Variants in FRMPD1 observed in about 807,000 individuals in gnomAD.
FRMPD1 encodes FERM and PDZ domain-containing protein 1.
FRMPD1 carries 76 observed loss-of-function variants against 117.8 expected under a neutral mutation model. The observed-to-expected ratio is 0.65, with a 90% confidence interval of 0.54 to 0.78. FRMPD1 has a LOEUF of 0.78. FRMPD1 is among the 30% of genes least tolerant of loss of function. The probability of loss-of-function intolerance (pLI) is 0.00; values close to 1 mark genes in which losing one functional copy is unlikely to be tolerated. For synonymous variants in FRMPD1, 783 were observed against 770.4 expected (o/e 1.02, Z -0.27); for missense variants, 1,786 against 1,964.5 (o/e 0.91, Z 1.72).
At chr9:37,688,514 A>G (rs1822025692) in intron 1 of FRMPD1, among the ~76,000 whole-genome samples, 1 of 152,106 alleles carries the variant, frequency 6.6e-6, no homozygotes. Flanking sequence ...AAAAGTGAAC[A>G]TATGTTTATG....
chr9:37,721,986 A>T (rs934189983), intron 6 of FRMPD1, among the ~76,000 whole-genome samples: 2 of 152,236 alleles, frequency 1.3e-5, no homozygotes, highest in Non-Finnish European at 2.9e-5. Context: ...GTAGTTATGT[A>T]ATGTTGCTAT....
the FRMPD1 span, among the ~76,000 whole-genome samples, chr9:37,618,239 C>T: frequency 6.6e-6 from 1 of 152,190 alleles, no homozygotes; most frequent in Non-Finnish European, 1.5e-5. Context: ...ATCTGCAAGA[C>T]ATAAATTCAT....
intron 1 of FRMPD1, chr9:37,670,145 T>A (rs1448949906): frequency 6.6e-6 from 1 of 152,234 alleles, no homozygotes; most frequent in African/African-American, 2.4e-5. Flanking sequence ...TTAGACTGTG[T>A]CTAACTGTAT....
At chr9:37,608,977 C>G in the FRMPD1 span, among the ~76,000 whole-genome samples, 1 of 152,190 alleles carries the variant, frequency 6.6e-6, no homozygotes, top group Non-Finnish European at 1.5e-5. Context: ...GTCCACTCAA[C>G]ATCTCTGTTT....
chr9:37,659,915 TAAA>T (rs36016239), intron 1 of FRMPD1, among the ~76,000 whole-genome samples: 3,924 of 103,614 alleles, frequency 0.038, 221 homozygotes, highest in African/African-American at 0.13. Context: ...TTTCAAGCAC[TAAA>T]AAAAAAAAAA....
At chr9:37,678,250 A>AC in intron 1 of FRMPD1, among the ~76,000 whole-genome samples, 1 of 70,164 alleles carries the variant, frequency 1.4e-5, no homozygotes, top group Non-Finnish European at 2.8e-5. Flanking sequence ...AGTACTTACC[A>AC]CTTTTTTTTT....
At chr9:37,612,163 G>A in the FRMPD1 span, among the ~76,000 whole-genome samples, 3,239 of 152,184 alleles carry the variant, frequency 0.021, 114 homozygotes, top group African/African-American at 0.073. Context: ...TATTAATTGT[G>A]AAGTAAACAT....
chr9:37,643,006 C>T, the FRMPD1 span, among the ~76,000 whole-genome samples: 2 of 152,116 alleles, frequency 1.3e-5, no homozygotes, highest in African/African-American at 4.8e-5. Context: ...GTGTATCTCT[C>T]TGTATAGTTT....
chr9:37,605,280 G>C, the FRMPD1 span, among the ~76,000 whole-genome samples: 67 of 152,310 alleles, frequency 4.4e-4, no homozygotes, highest in Non-Finnish European at 7.4e-4. Flanking sequence ...GTTTGGCTCA[G>C]CACAATCCTT....
At chr9:37,729,959 C>A in intron 8 of FRMPD1, 106 bp downstream of exon 8, 2 of 1,198,376 alleles carry the variant, frequency 1.7e-6, no homozygotes, top group Non-Finnish European at 2.3e-6. Flanking sequence ...AGGTTTGATG[C>A]ACTTTCTCTT....
the FRMPD1 span, among the ~76,000 whole-genome samples, chr9:37,627,397 C>T: frequency 6.6e-6 from 1 of 152,252 alleles, no homozygotes; most frequent in Non-Finnish European, 1.5e-5. Context: ...TCCTGCATCA[C>T]TGTGCAAGTG....
Position 37,740,167 on chromosome 9 carries a change from C to G in FRMPD1, c.1639C>G (p.Leu547Val), listed in dbSNP as rs1280857086. The G allele has an allele frequency of 1.9e-6, 3 of 1,613,970 alleles. No homozygotes were observed. Among genetic ancestry groups the G allele is most frequent in the Non-Finnish European group, 2.5e-6 (3 of 1,179,882 alleles). The change falls in exon 15 of 16, where the codon CTG (leucine) becomes GTG (valine). Residue 547 changes from leucine to valine, a missense_variant. Transcript: ENST00000377765. This position sits in a 1 kb window ranked among gnomAD's most constrained non-coding sequence, Gnocchi z 4.2. ...EPLSDRRLVK[L>V]APCRSLIKEE... The stretch of plus-strand genomic sequence containing the variant: ...TCTCTCTGACAGGCGCCTGGTGAAA[C>G]TGGCACCCTGCAGATCACTCATAAA...
chr9:37,667,118 C>T (rs570648487), intron 1 of FRMPD1, among the ~76,000 whole-genome samples: 6 of 142,400 alleles, frequency 4.2e-5, no homozygotes, highest in African/African-American at 1.4e-4. Context: ...GGCTGGAGTG[C>T]AGTGGCGTGA....
At chr9:37,706,730 C>G (rs1463206668) in intron 2 of FRMPD1, among the ~76,000 whole-genome samples, 2 of 152,184 alleles carry the variant, frequency 1.3e-5, no homozygotes, top group Non-Finnish European at 2.9e-5. Context: ...AGTTACAAAG[C>G]TTAAAGGGAA....
At chr9:37,689,399 T>A (rs1006976731) in intron 1 of FRMPD1, among the ~76,000 whole-genome samples, 18 of 152,156 alleles carry the variant, frequency 1.2e-4, no homozygotes. Context: ...ATCTGCTTAG[T>A]TTTTCATGTA....
the FRMPD1 span, among the ~76,000 whole-genome samples, chr9:37,626,280 G>A: frequency 6.6e-6 from 1 of 152,082 alleles, no homozygotes; most frequent in African/African-American, 2.4e-5. Flanking sequence ...AGTGAGTCGA[G>A]ATCGCGCCAC....
intron 1 of FRMPD1, among the ~76,000 whole-genome samples, chr9:37,663,223 G>A (rs776064369): frequency 6.6e-6 from 1 of 152,114 alleles, no homozygotes; most frequent in Non-Finnish European, 1.5e-5. Context: ...TGTTCACTGG[G>A]GATTGCTGAG....
At chr9:37,610,684 T>A in the FRMPD1 span, among the ~76,000 whole-genome samples, 2 of 150,628 alleles carry the variant, frequency 1.3e-5, no homozygotes, top group Admixed American at 1.3e-4. Context: ...AACCTCCGCC[T>A]CCTGGGTTCA....
the FRMPD1 span, among the ~76,000 whole-genome samples, chr9:37,627,085 G>A: frequency 2.1e-5 from 2 of 94,420 alleles, no homozygotes; most frequent in Non-Finnish European, 5.5e-5. Context: ...CGTTTTCCCA[G>A]AGCTGTTTCT....
Sources: gnomAD v4.1 joint callset for allele counts (sites outside exome capture counted in the v4.1 genomes callset) on GRCh38, gnomAD v4.1.1 for gene constraint, Gnocchi (gnomAD v3.1) non-coding constraint, MANE v1.5 for transcripts, NCBI Gene and HGNC (gene_info 2026-07-23, HGNC 2026-07-21) for gene names.